The following FRRS1 variants were observed in gnomAD, a reference collection of about 807,000 sequenced individuals.
FRRS1 encodes ferric chelate reductase 1.
In FRRS1, 51 loss-of-function variants were observed where a neutral mutation model predicts 70.7. The observed-to-expected ratio is 0.72, with a 90% CI of 0.58 to 0.91. The LOEUF (loss-of-function observed/expected upper bound fraction) is 0.91, where lower values mean the gene tolerates loss of function less well. Among genes scored for constraint, FRRS1 ranks in the 40% least tolerant of loss-of-function variants. The pLI is 0.00. For missense variants in FRRS1, 672 were observed against 726.0 expected (o/e 0.93, Z 0.86); for synonymous variants, 225 against 238.7 (o/e 0.94, Z 0.53).
At chr1:99,765,152 A>G (rs1269430523) in intron 1 of FRRS1, 2 of 152,248 alleles carry the variant, frequency 1.3e-5, no homozygotes, top group East Asian at 1.9e-4. Context: ...AAAAATCAAC[A>G]TACTGGCTAA....
chr1:99,759,942 G>A (rs2101003531), intron 1 of FRRS1, among the ~76,000 whole-genome samples: 2 of 152,278 alleles, frequency 1.3e-5, no homozygotes, highest in Middle Eastern at 3.4e-3. Flanking sequence ...CCTGTTTAGA[G>A]AGAAGGTGAA....
chr1:99,711,996 C>T, intron 14 of FRRS1, 109 bp downstream of exon 14: 1 of 704,074 alleles, frequency 1.4e-6, no homozygotes. Flanking sequence ...TTCTCAACAA[C>T]CAATTACTCC....
At chr1:99,747,623 A>G (rs944122700) in intron 3 of FRRS1, 193 bp from the exon 4 acceptor site, 19 of 542,426 alleles carry the variant, frequency 3.5e-5, no homozygotes, top group Non-Finnish European at 5.2e-5. Flanking sequence ...AAGATATTCA[A>G]TCTGTGAGAT....
At chr1:99,716,291 G>T (rs1654524074) in intron 11 of FRRS1, among the ~76,000 whole-genome samples, 1 of 152,164 alleles carries the variant, frequency 6.6e-6, no homozygotes, top group African/African-American at 2.4e-5. Context: ...TAGATGGGTG[G>T]ATGGATGGAT....
intron 1 of FRRS1, among the ~76,000 whole-genome samples, chr1:99,750,325 A>C (rs531070800): frequency 4.6e-4 from 70 of 152,370 alleles, no homozygotes; most frequent in African/African-American, 1.7e-3. Context: ...TACCCACTGC[A>C]TCATGTCCAG....
At chr1:99,760,871 G>A (rs1262361761) in intron 1 of FRRS1, among the ~76,000 whole-genome samples, 2 of 151,976 alleles carry the variant, frequency 1.3e-5, no homozygotes, top group Admixed American at 6.6e-5. Context: ...GGCTGGTCTT[G>A]AACTCCTGAC....
In FRRS1 at chr1:99,725,823, C is replaced by T. The variant is rs772991648; in HGVS notation, c.1006+2670G>A. On this transcript the variant is annotated intron_variant, in intron 9 of 16. Transcript: ENST00000646001. ...ACATTTCACCTGCTGTATACCCACA[C>T]ATTTAAAATTTATTATACAACAGAA... 4.7e-4 allele frequency among the ~76,000 whole-genome samples: 72 copies of T among 152,214 alleles called. 1 individual carries two copies. The highest frequency in any genetic ancestry group is 8.8e-5 in the Non-Finnish European group (6 of 68,048).
chr1:99,750,201 C>T (rs1656504393), intron 1 of FRRS1, among the ~76,000 whole-genome samples: 1 of 152,120 alleles, frequency 6.6e-6, no homozygotes, highest in African/African-American at 2.4e-5. Flanking sequence ...GTTCACACTC[C>T]AGGGGCATAA....
chr1:99,706,724 T>A lies in FRRS1; in HGVS notation c.*2304A>T, dbSNP rs566432205. On this transcript the variant is annotated 3_prime_UTR_variant, in exon 17 of 17. Transcript: ENST00000646001. ...GCCTGGCCAAAATGTGAAACCCCCG[T>A]CTCTACTAAAAATATAAAAATTAGC... Among the ~76,000 whole-genome samples, 1 of 152,066 alleles carries A rather than the reference T, an allele frequency of 6.6e-6. No homozygotes were observed. The highest frequency in any genetic ancestry group is 1.5e-5 in the Non-Finnish European group (1 of 67,984).
intron 5 of FRRS1, 79 bp downstream of exon 5, chr1:99,742,100 C>T: frequency 2.3e-6 from 2 of 856,242 alleles, no homozygotes; most frequent in Non-Finnish European, 3.9e-6. Flanking sequence ...AGTGATCCAC[C>T]ACCTTGGCAT....
Position 99,704,190 on chromosome 1 carries a change from GA to G in FRRS1, c.*4837del, listed in dbSNP as rs1298460803. On this transcript the variant is annotated 3_prime_UTR_variant, in exon 17 of 17. Coordinates refer to ENST00000646001, the MANE Select transcript of FRRS1 (RefSeq NM_001361041.2). ...TGTGAGATGGGCTTTACAGATGAAA[GA>G]ATAGAGCCCAGGGAAGATAAGTGAC... Among the ~76,000 whole-genome samples the G allele has an allele frequency of 2.0e-5, 3 of 152,188 alleles. No homozygotes were observed. The highest frequency in any genetic ancestry group is 1.3e-4 in the Admixed American group (2 of 15,280).
At chr1:99,734,672 G>A (rs1270607225) in intron 7 of FRRS1, among the ~76,000 whole-genome samples, 2 of 152,218 alleles carry the variant, frequency 1.3e-5, no homozygotes, top group African/African-American at 4.8e-5. Context: ...AGTAACTGAT[G>A]TGTTTATAAA....
chr1:99,735,799 C>A (rs1318231979), intron 7 of FRRS1, among the ~76,000 whole-genome samples: 1 of 152,196 alleles, frequency 6.6e-6, no homozygotes, highest in Non-Finnish European at 1.5e-5. Context: ...GAATAACTGA[C>A]CTACCTGTGG....
intron 11 of FRRS1, among the ~76,000 whole-genome samples, 198 bp downstream of exon 11, chr1:99,717,212 A>C (rs956706475): frequency 1.3e-5 from 2 of 152,142 alleles, no homozygotes; most frequent in Non-Finnish European, 2.9e-5. Context: ...ACTCTTCCTA[A>C]AACTGTCTGT....
At chr1:99,717,348 G>A in intron 11 of FRRS1, 62 bp downstream of exon 11, 2 of 1,064,680 alleles carry the variant, frequency 1.9e-6, no homozygotes, top group Non-Finnish European at 2.9e-6. Context: ...TACTTCATAT[G>A]TTTTCATGTT....
chr1:99,720,972 C>G (rs1654791068), intron 9 of FRRS1, among the ~76,000 whole-genome samples: 2 of 151,712 alleles, frequency 1.3e-5, no homozygotes, highest in South Asian at 4.1e-4. Flanking sequence ...AAAGGTAGAA[C>G]TTAAGCTAGT....
intron 7 of FRRS1, among the ~76,000 whole-genome samples, chr1:99,733,459 T>C (rs1445314376): frequency 6.6e-6 from 1 of 152,180 alleles, no homozygotes; most frequent in Non-Finnish European, 1.5e-5. Context: ...ATGAAATGCA[T>C]GAAAGTATGA....
intron 9 of FRRS1, among the ~76,000 whole-genome samples, chr1:99,721,222 T>C (rs1204095396): frequency 1.3e-5 from 2 of 151,838 alleles, no homozygotes; most frequent in Non-Finnish European, 2.9e-5. Context: ...CTGCTAAAAC[T>C]ACAAAAATTA....
At position 99,728,535 on chromosome 1, in the gene FRRS1, T is replaced by A; in HGVS notation, c.964A>T (p.Thr322Ser). The A allele has an allele frequency of 6.2e-7, 1 of 1,612,222 alleles. No individual in the cohort carries two copies. The highest frequency in any genetic ancestry group is 8.5e-7 in the Non-Finnish European group (1 of 1,178,260). The stretch of plus-strand genomic sequence containing the variant: ...TCTGCTAGAAATATGTAATAGCTTG[T>A]GTTTAGATCAAATCTATTCTTAACT... ...PGVKNRFDLN[T>S]SYYIFLADGA... The change falls in exon 9 of 17, where the codon ACA (threonine) becomes TCA (serine). Residue 322 changes from threonine (T) to serine (S), a missense_variant. Coordinates refer to ENST00000646001, the MANE Select transcript of FRRS1 (RefSeq NM_001361041.2).
Sources: allele counts gnomAD v4.1 joint callset (sites outside exome capture counted in the v4.1 genomes callset), GRCh38; gene constraint gnomAD v4.1.1; transcripts MANE v1.5; gene names NCBI Gene and HGNC (gene_info 2026-07-23, HGNC 2026-07-21).